Variants in USP42 observed in about 807,000 individuals in gnomAD.
USP42 encodes the protein ubiquitin specific peptidase 42.
USP42 carries 23 observed loss-of-function variants against 113.0 expected under a neutral mutation model. The ratio of observed to expected loss-of-function variants is 0.20; its 90% confidence interval spans 0.15 to 0.29. The LOEUF (loss-of-function observed/expected upper bound fraction) is 0.29, where lower values mean the gene tolerates loss of function less well. Ranked by LOEUF, USP42 falls within the 10% of genes least tolerant of loss-of-function variation. USP42 has a pLI of 1.00. For missense variants in USP42, 2,174 were observed against 1,779.8 expected (o/e 1.22, Z -3.99); for synonymous variants, 933 against 699.0 (o/e 1.33, Z -5.28).
At chr7:6,152,099 G>A (rs1310615315) in intron 14 of USP42, among the ~76,000 whole-genome samples, 1 of 152,240 alleles carries the variant, frequency 6.6e-6, no homozygotes, top group Non-Finnish European at 1.5e-5. Context: ...GAGAGGAAGG[G>A]AATTTGTCAT....
chr7:6,154,268 A>C lies in USP42; in HGVS notation c.2714A>C (p.Asp905Ala), dbSNP rs200987808. 6 of 1,601,548 alleles carry C rather than the reference A, an allele frequency of 3.7e-6. No homozygotes were observed. The African/African-American group carries it at 6.7e-5, about 18-fold the overall frequency. ...GAGCGGCCGCCAGCTCCTGTGCTGG[A>C]CATGGCCCCGGCCGGTCACCCGGAA... is the stretch of plus-strand genomic sequence containing the variant. ...AAERPPAPVL[D>A]MAPAGHPEGD... Residue 905 changes from aspartate to alanine, a missense_variant, in exon 15 of 18, where the codon GAC becomes GCC. Coordinates refer to ENST00000306177, the MANE Select transcript of USP42 (RefSeq NM_032172.3).
Position 6,135,881 on chromosome 7 carries a change from A to C in USP42, c.483A>C (p.Ala161=). The C allele has an allele frequency of 6.2e-7, 1 of 1,608,042 alleles. No homozygotes were observed. The highest frequency in any genetic ancestry group is 8.5e-7 in the Non-Finnish European group (1 of 1,178,002). ...TTTGTATGATGTGTACAATGCAAGC[A>C]CATATTACCCAGGCACTCAGTAATC... ...EGFCMMCTMQ[A]HITQALSNPG... is the part of the protein sequence containing the mutation. The change falls in exon 4 of 18, where the codon GCA becomes GCC. Residue 161 remains alanine (A), a synonymous_variant. Transcript: ENST00000306177.
chr7:6,121,183 TTAAA>T (rs918425292), intron 3 of USP42, among the ~76,000 whole-genome samples: 3 of 152,176 alleles, frequency 2.0e-5, no homozygotes, highest in Non-Finnish European at 2.9e-5. Context: ...CATTACATTG[TTAAA>T]TAGAGGTGAT....
At position 6,160,807 on chromosome 7, in the gene USP42, C is replaced by T. The variant is rs1782731099; in HGVS notation, c.*289C>T. 1 of 152,606 alleles carries T rather than the reference C, an allele frequency of 6.6e-6. No individual in the cohort carries two copies. Among genetic ancestry groups the T allele is most frequent in the South Asian group, 2.1e-4 (1 of 4,830 alleles). The allele number at this position is 152,606 out of a possible 1,614,324, so 9.5% of individuals were successfully genotyped here. A position where few individuals can be genotyped will look rare whatever the true frequency, so the allele number is the denominator to read the frequency against. ...GAAATAATGCCCTGGAATAGAACAT[C>T]TCAAATGCTGCTTAATTACAGACTC... On this transcript the variant is annotated 3_prime_UTR_variant, in exon 18 of 18. Coordinates refer to ENST00000306177, the MANE Select transcript of USP42 (RefSeq NM_032172.3).
At chr7:6,121,693 C>G (rs913513484) in intron 3 of USP42, among the ~76,000 whole-genome samples, 1 of 152,200 alleles carries the variant, frequency 6.6e-6, no homozygotes, top group Non-Finnish European at 1.5e-5. Context: ...AAGACAGGAT[C>G]TTGCTCTTTT....
the USP42 span, among the ~76,000 whole-genome samples, chr7:6,099,278 G>A: frequency 1.9e-4 from 27 of 139,006 alleles, no homozygotes; most frequent in Admixed American, 3.0e-4. Flanking sequence ...GCAGTGGCGC[G>A]ATCTCAGCTC....
rs1304628581 is a variant in USP42, at chr7:6,115,654, A to G, written c.442+131A>G. On this transcript the variant is annotated intron_variant, in intron 3 of 17. Transcript: ENST00000306177. ...AAGAAGTTGGTTTATTCTTTTAGAA[A>G]CCAAGGAGGAGGACTCAGGATTGGG... 16 of 1,125,622 alleles carry G rather than the reference A, an allele frequency of 1.4e-5. 1 individual carries two copies. 69.7% of individuals were successfully genotyped at this position (1,125,622 alleles called of 1,614,324 possible).
chr7:6,142,491 C>G (rs1251647310), intron 7 of USP42, among the ~76,000 whole-genome samples: 1 of 152,228 alleles, frequency 6.6e-6, no homozygotes, highest in Non-Finnish European at 1.5e-5. Flanking sequence ...GCTGGGATTA[C>G]AGGCGTGAGC....
At chr7:6,092,259 C>T in the USP42 span, among the ~76,000 whole-genome samples, 1 of 146,658 alleles carries the variant, frequency 6.8e-6, no homozygotes, top group Non-Finnish European at 1.5e-5. Flanking sequence ...CTCACTGCAA[C>T]CTCCGCCTCC....
At chr7:6,126,830 G>A (rs10265503) in intron 3 of USP42, among the ~76,000 whole-genome samples, 65,506 of 152,048 alleles carry the variant, frequency 0.43, 18,454 homozygotes, top group African/African-American at 0.78. Flanking sequence ...TGCTATAAAC[G>A]TGAGTGTATA....
At chr7:6,125,362 T>C (rs1029301787) in intron 3 of USP42, among the ~76,000 whole-genome samples, 3 of 151,924 alleles carry the variant, frequency 2.0e-5, no homozygotes, top group Non-Finnish European at 2.9e-5. Flanking sequence ...TGGTGGCAGA[T>C]GCCTGTAATC....
intron 1 of USP42, among the ~76,000 whole-genome samples, chr7:6,106,638 C>T (rs910192118): frequency 4.6e-5 from 7 of 152,198 alleles, no homozygotes; most frequent in African/African-American, 1.7e-4. Flanking sequence ...AGTTGTAGCT[C>T]ACTGTAGCCT....
chr7:6,092,053 C>CTTCTTCTTCTTT, the USP42 span, among the ~76,000 whole-genome samples: 16 of 41,762 alleles, frequency 3.8e-4, 2 homozygotes, highest in Middle Eastern at 0.014. Context: ...TCTTCTTCTT[C>CTTCTTCTTCTTT]TTTCTTCTTC....
chr7:6,139,036 C>T lies in USP42; in HGVS notation c.554-56C>T, dbSNP rs1781308945. On this transcript the variant is annotated intron_variant, in intron 4 of 17. Coordinates refer to ENST00000306177, the MANE Select transcript of USP42 (RefSeq NM_032172.3). The surrounding 1 kb of genome is among the most constrained non-coding windows in gnomAD (Gnocchi z 4.5). ...ATTATAAGATATATTTTGGGGGGTA[C>T]AACTTAGGCTTATTACGTGTAATGA... The T allele has an allele frequency of 1.4e-5, 17 of 1,191,838 alleles. No homozygotes were observed. The South Asian group carries it at 2.3e-4, about 16-fold the overall frequency. 73.8% of individuals were successfully genotyped at this position (1,191,838 alleles called of 1,614,324 possible).
the USP42 span, among the ~76,000 whole-genome samples, chr7:6,091,714 C>CACACACAT: frequency 2.7e-5 from 4 of 148,800 alleles, no homozygotes; most frequent in Admixed American, 6.7e-5. Context: ...CACACACACA[C>CACACACAT]ATATATATGT....
Position 6,159,702 on chromosome 7 carries a change from A to G in USP42, c.*36+209A>G, listed in dbSNP as rs1450137767. On this transcript the variant is annotated intron_variant, in intron 17 of 17. Transcript: ENST00000306177. This position sits in a 1 kb window ranked among gnomAD's most constrained non-coding sequence, Gnocchi z 4.1. ...AGACCCTCCACCTCATCACGTTTGCATTACTGGCTGGGGAAGACCCGCATC... is the reference window on the plus strand; with the variant it reads ...AGACCCTCCACCTCATCACGTTTGCGTTACTGGCTGGGGAAGACCCGCATC... Among the ~76,000 whole-genome samples the G allele has an allele frequency of 1.3e-5, 2 of 152,064 alleles. No homozygotes were observed. The highest frequency in any genetic ancestry group is 3.9e-4 in the East Asian group (2 of 5,180).
Position 6,159,411 on chromosome 7 carries a change from A to G in USP42, c.3944-39A>G. ...CAGCAGAGGCCCTGGCGATTTTGCA[A>G]CCATCATTAAAATCTCTTTCCTGAC... On this transcript the variant is annotated intron_variant, in intron 16 of 17. Transcript: ENST00000306177. The surrounding 1 kb of genome is among the most constrained non-coding windows in gnomAD (Gnocchi z 4.1). The G allele has an allele frequency of 1.9e-6, 3 of 1,613,764 alleles. No homozygotes were observed. The highest frequency in any genetic ancestry group is 1.1e-5 in the South Asian group (1 of 91,048).
chr7:6,102,539 TCC>T (rs1257760911), upstream of USP42, among the ~76,000 whole-genome samples: 1 of 150,266 alleles, frequency 6.7e-6, no homozygotes, highest in Non-Finnish European at 1.5e-5. Context: ...AAGCAGAGGA[TCC>T]CTTGAGGCCA....
At chr7:6,088,403 C>G in the USP42 span, among the ~76,000 whole-genome samples, 2 of 150,864 alleles carry the variant, frequency 1.3e-5, no homozygotes, top group Admixed American at 6.6e-5. Context: ...TTAAAGGCAC[C>G]CGCCACCATG....
Sources: allele counts gnomAD v4.1 joint callset (sites outside exome capture counted in the v4.1 genomes callset), GRCh38; gene constraint gnomAD v4.1.1; non-coding constraint Gnocchi (gnomAD v3.1); transcripts MANE v1.5; gene names NCBI Gene and HGNC (gene_info 2026-07-23, HGNC 2026-07-21).